GLIS3: variants seen among roughly 807,000 people sequenced by gnomAD.
GLIS3 encodes GLIS family zinc finger 3, also known as zinc finger protein GLIS3.
Under a neutral mutation model 78.6 loss-of-function variants are expected in GLIS3, and 53 were observed. The observed-to-expected ratio is 0.67, with a 90% confidence interval of 0.54 to 0.85. GLIS3 has a LOEUF of 0.85. Among genes scored for constraint, GLIS3 ranks in the 40% least tolerant of loss-of-function variants. GLIS3 has a pLI of 0.00. For missense variants in GLIS3, 1,703 were observed against 1,231.1 expected (o/e 1.38, Z -5.74); for synonymous variants, 684 against 509.9 (o/e 1.34, Z -4.60).
chr9:4,022,225 T>A (rs555722614), intron 4 of GLIS3, among the ~76,000 whole-genome samples: 1 of 152,334 alleles, frequency 6.6e-6, no homozygotes, highest in South Asian at 2.1e-4. Flanking sequence ...TTAGAGAGAT[T>A]AAGCAGCTGA....
intron 9 of GLIS3, chr9:3,855,640 A>G (rs1421718473): frequency 3.0e-6 from 1 of 336,346 alleles, no homozygotes; most frequent in Admixed American, 4.2e-5. Flanking sequence ...ACCTATGAGA[A>G]TGAGAGCAAA....
At chr9:4,489,912 G>C in the GLIS3 span, among the ~76,000 whole-genome samples, 4 of 152,334 alleles carry the variant, frequency 2.6e-5, no homozygotes, top group East Asian at 7.7e-4. Flanking sequence ...GGCACTGGAG[G>C]CTCCGCGTGA....
At chr9:4,373,442 G>C in the GLIS3 span, among the ~76,000 whole-genome samples, 352 of 152,284 alleles carry the variant, frequency 2.3e-3, 1 homozygote, top group African/African-American at 8.1e-3. Context: ...GGTTCTGATA[G>C]AGTTGATCCA....
intron 2 of GLIS3, among the ~76,000 whole-genome samples, chr9:4,141,082 G>C (rs1004820877): frequency 6.6e-6 from 1 of 152,200 alleles, no homozygotes; most frequent in African/African-American, 2.4e-5. Context: ...TTATAGGTGT[G>C]AGCCACCGTG....
At chr9:4,068,457 T>C (rs1437176234) in intron 4 of GLIS3, among the ~76,000 whole-genome samples, 1 of 152,174 alleles carries the variant, frequency 6.6e-6, no homozygotes, top group African/African-American at 2.4e-5. Context: ...CAAAGAAATA[T>C]TTTATGTAGG....
At chr9:4,110,741 T>C (rs1445943238) in intron 4 of GLIS3, among the ~76,000 whole-genome samples, 1 of 152,208 alleles carries the variant, frequency 6.6e-6, no homozygotes, top group Non-Finnish European at 1.5e-5. Flanking sequence ...CATTGTCTTA[T>C]TGATGGCTTA....
At chr9:4,196,831 G>A (rs560473625) in intron 2 of GLIS3, among the ~76,000 whole-genome samples, 2 of 152,300 alleles carry the variant, frequency 1.3e-5, no homozygotes, top group Admixed American at 6.5e-5. Flanking sequence ...ACAATGAGAT[G>A]TGCAACCAAG....
chr9:4,367,462 C>T, the GLIS3 span, among the ~76,000 whole-genome samples: 1 of 151,870 alleles, frequency 6.6e-6, no homozygotes, highest in Non-Finnish European at 1.5e-5. Flanking sequence ...CCTGGGCCTC[C>T]TGAATTTCCT....
At chr9:4,459,894 A>G in the GLIS3 span, among the ~76,000 whole-genome samples, 1 of 152,260 alleles carries the variant, frequency 6.6e-6, no homozygotes, top group Non-Finnish European at 1.5e-5. Flanking sequence ...ATGATGGAGA[A>G]AAATGAAGCC....
chr9:4,178,489 C>T (rs773147590), intron 2 of GLIS3, among the ~76,000 whole-genome samples: 2 of 152,152 alleles, frequency 1.3e-5, no homozygotes, highest in Non-Finnish European at 2.9e-5. Flanking sequence ...TAGGAGCATC[C>T]AATGTCTAGA....
At chr9:3,938,808 C>T (rs1002096808) in intron 4 of GLIS3, among the ~76,000 whole-genome samples, 1 of 152,138 alleles carries the variant, frequency 6.6e-6, no homozygotes, top group Admixed American at 6.5e-5. Context: ...TGAAAGGAAA[C>T]GTCACTAGAG....
chr9:3,875,433 AT>A (rs144363992), intron 8 of GLIS3, among the ~76,000 whole-genome samples: 3 of 151,998 alleles, frequency 2.0e-5, no homozygotes, highest in Non-Finnish European at 2.9e-5. Context: ...GACTCAGCCC[AT>A]TTTTTTTAGC....
chr9:4,338,972 C>T (rs969691519), intron 2 of GLIS3, among the ~76,000 whole-genome samples: 8 of 152,136 alleles, frequency 5.3e-5, no homozygotes, highest in African/African-American at 1.9e-4. Context: ...AATGAGACGG[C>T]TTTATGTGTT....
the GLIS3 span, among the ~76,000 whole-genome samples, chr9:4,401,403 G>A: frequency 3.6e-3 from 540 of 149,634 alleles, 3 homozygotes; most frequent in African/African-American, 0.013. Flanking sequence ...GGGGTTACAG[G>A]CTTAAGCCAC....
chr9:4,407,801 G>C, the GLIS3 span, among the ~76,000 whole-genome samples: 2 of 152,008 alleles, frequency 1.3e-5, no homozygotes, highest in Admixed American at 6.6e-5. Flanking sequence ...GCACAACAAA[G>C]AAAACAATCA....
chr9:3,869,439 G>A (rs1184063889), intron 8 of GLIS3, among the ~76,000 whole-genome samples: 5 of 152,210 alleles, frequency 3.3e-5, no homozygotes, highest in African/African-American at 1.2e-4. Flanking sequence ...TCAGGCACTA[G>A]TATTCAAGAT....
chr9:4,433,938 T>C, the GLIS3 span, among the ~76,000 whole-genome samples: 10 of 151,896 alleles, frequency 6.6e-5, no homozygotes, highest in Non-Finnish European at 1.5e-4. Flanking sequence ...CTACTAAAAA[T>C]ACAAAAAATT....
chr9:4,319,605 C>A (rs1219567731), intron 2 of GLIS3, among the ~76,000 whole-genome samples: 1 of 152,054 alleles, frequency 6.6e-6, no homozygotes, highest in Admixed American at 6.5e-5. Flanking sequence ...TCATAGCTCA[C>A]TGTCACCTCA....
At chr9:4,362,024 G>T in the GLIS3 span, among the ~76,000 whole-genome samples, 1 of 152,144 alleles carries the variant, frequency 6.6e-6, no homozygotes, top group Admixed American at 6.5e-5. Context: ...CCCTAGATTA[G>T]CAAAAAATAA....
Sources: gnomAD v4.1 joint callset for allele counts (sites outside exome capture counted in the v4.1 genomes callset) on GRCh38, gnomAD v4.1.1 for gene constraint, MANE v1.5 for transcripts, NCBI Gene and HGNC (gene_info 2026-07-23, HGNC 2026-07-21) for gene names.